The following CNTN4 variants were observed in gnomAD, a reference collection of about 807,000 sequenced individuals.
The protein encoded by CNTN4 is contactin 4, also known as contactin-4.
CNTN4 carries 77 observed loss-of-function variants against 122.5 expected under a neutral mutation model. That is an observed-to-expected ratio of 0.63 (90% confidence interval 0.52 to 0.76). The LOEUF (loss-of-function observed/expected upper bound fraction) is 0.76. CNTN4 is among the 30% of genes least tolerant of loss of function. The pLI, the probability that CNTN4 is intolerant of heterozygous loss-of-function variation, is 0.00. For missense variants in CNTN4, 1,256 were observed against 1,259.1 expected, an observed-to-expected ratio of 1.00 and a Z score of 0.04; for synonymous variants, 512 against 447.0, an observed-to-expected ratio of 1.15 and a Z score of -1.83.
At chr3:2,917,669 T>A (rs1048073393) in intron 12 of CNTN4, among the ~76,000 whole-genome samples, 3 of 152,210 alleles carry the variant, frequency 2.0e-5, no homozygotes, top group Non-Finnish European at 4.4e-5. Context: ...GTCAATTAAA[T>A]TGAGTTTATT....
At chr3:2,134,005 C>G (rs2034570665) in intron 2 of CNTN4, among the ~76,000 whole-genome samples, 1 of 152,126 alleles carries the variant, frequency 6.6e-6, no homozygotes, top group Non-Finnish European at 1.5e-5. Flanking sequence ...CATTTTAAAA[C>G]TGATGAAATT....
chr3:2,296,093 G>A (rs1396770596), intron 2 of CNTN4, among the ~76,000 whole-genome samples: 1 of 152,154 alleles, frequency 6.6e-6, no homozygotes, highest in African/African-American at 2.4e-5. Context: ...TTGTAGTATA[G>A]TTTGAAGTCA....
At chr3:2,152,366 G>A (rs1007855402) in intron 2 of CNTN4, among the ~76,000 whole-genome samples, 4 of 152,148 alleles carry the variant, frequency 2.6e-5, no homozygotes, top group Non-Finnish European at 2.9e-5. Context: ...CAGGACTTCC[G>A]TTTGATTGAA....
chr3:2,234,725 G>T (rs1382609481), intron 2 of CNTN4, among the ~76,000 whole-genome samples: 3 of 152,126 alleles, frequency 2.0e-5, no homozygotes, highest in East Asian at 1.9e-4. Context: ...AAATAAGCTT[G>T]ATCATTTTAT....
At chr3:2,462,369 A>G (rs2049258543) in intron 3 of CNTN4, among the ~76,000 whole-genome samples, 1 of 152,188 alleles carries the variant, frequency 6.6e-6, no homozygotes, top group African/African-American at 2.4e-5. Flanking sequence ...TTACAATGGA[A>G]GCACAAATTG....
At chr3:2,347,641 T>C (rs2728517) in intron 3 of CNTN4, among the ~76,000 whole-genome samples, 70,763 of 151,470 alleles carry the variant, frequency 0.47, 16,900 homozygotes, top group Admixed American at 0.52. Flanking sequence ...AACTCCTGAC[T>C]TCAGGTGATC....
chr3:2,885,182 A>T (rs1281049869), intron 9 of CNTN4, among the ~76,000 whole-genome samples: 1 of 152,212 alleles, frequency 6.6e-6, no homozygotes, highest in Non-Finnish European at 1.5e-5. Context: ...TGTATTTGTG[A>T]AAAATAAATA....
intron 7 of CNTN4, among the ~76,000 whole-genome samples, chr3:2,838,179 A>G (rs746908115): frequency 6.6e-6 from 1 of 152,198 alleles, no homozygotes; most frequent in Non-Finnish European, 1.5e-5. Flanking sequence ...ATCTAAGTAG[A>G]TCCATAAAGC....
At chr3:2,905,360 C>T (rs2094217947) in intron 12 of CNTN4, among the ~76,000 whole-genome samples, 1 of 152,208 alleles carries the variant, frequency 6.6e-6, no homozygotes, top group Non-Finnish European at 1.5e-5. Flanking sequence ...AGGGTGCCAG[C>T]ATGGCCGGGT....
intron 2 of CNTN4, among the ~76,000 whole-genome samples, chr3:2,223,061 C>T (rs922857733): frequency 1.3e-5 from 2 of 152,134 alleles, no homozygotes; most frequent in African/African-American, 2.4e-5. Context: ...ATTTTGGCTC[C>T]CACCTTAGCT....
chr3:2,984,980 T>C (rs1694414619), intron 13 of CNTN4, among the ~76,000 whole-genome samples: 1 of 152,246 alleles, frequency 6.6e-6, no homozygotes, highest in South Asian at 2.1e-4. Flanking sequence ...CACCACTCTG[T>C]TTTTGTCAGT....
chr3:2,869,701 T>C (rs1286378352), intron 8 of CNTN4, among the ~76,000 whole-genome samples: 1 of 152,210 alleles, frequency 6.6e-6, no homozygotes, highest in Non-Finnish European at 1.5e-5. Flanking sequence ...CACATTATGA[T>C]CAAGGAAAGA....
chr3:2,988,197 AC>A (rs1694752524), intron 13 of CNTN4, 147 bp from the exon 14 acceptor site: 2 of 732,728 alleles, frequency 2.7e-6, no homozygotes, highest in South Asian at 1.6e-5. Context: ...GTGGACAAAT[AC>A]CCTAAATAAA....
intron 2 of CNTN4, among the ~76,000 whole-genome samples, chr3:2,212,670 C>G (rs2038674379): frequency 6.6e-6 from 1 of 152,222 alleles, no homozygotes; most frequent in South Asian, 2.1e-4. Flanking sequence ...CAAACCGTAT[C>G]AGCTACCTAC....
intron 7 of CNTN4, among the ~76,000 whole-genome samples, chr3:2,856,693 A>G (rs2093622028): frequency 6.6e-6 from 1 of 152,208 alleles, no homozygotes; most frequent in African/African-American, 2.4e-5. Context: ...TGAATCCATT[A>G]ATCACGGATG....
intron 4 of CNTN4, among the ~76,000 whole-genome samples, chr3:2,712,151 T>C (rs34036637): frequency 0.064 from 9,675 of 152,222 alleles, 397 homozygotes; most frequent in Middle Eastern, 0.099. Flanking sequence ...AAACTTGAAA[T>C]AAAATTGTAT....
At chr3:2,367,872 T>C (rs1308013445) in intron 3 of CNTN4, among the ~76,000 whole-genome samples, 1 of 152,112 alleles carries the variant, frequency 6.6e-6, no homozygotes, top group Admixed American at 6.6e-5. Flanking sequence ...CTTTAACCAT[T>C]TGGCCCTACT....
At chr3:2,883,298 A>T (rs772909453) in intron 9 of CNTN4, 51 bp downstream of exon 9, 3 of 1,394,822 alleles carry the variant, frequency 2.2e-6, no homozygotes, top group Non-Finnish European at 3.0e-6. Flanking sequence ...TTGAGCAGGT[A>T]TAGAGTTTTT....
intron 2 of CNTN4, among the ~76,000 whole-genome samples, chr3:2,328,669 A>C (rs1436504357): frequency 6.6e-6 from 1 of 151,940 alleles, no homozygotes; most frequent in Non-Finnish European, 1.5e-5. Flanking sequence ...GTTTGGAAAA[A>C]AAAAACAATA....
Sources: allele counts gnomAD v4.1 joint callset (sites outside exome capture counted in the v4.1 genomes callset), GRCh38; gene constraint gnomAD v4.1.1; transcripts MANE v1.5; gene names NCBI Gene and HGNC (gene_info 2026-07-23, HGNC 2026-07-21).